MYRIP: variants seen among roughly 807,000 people sequenced by gnomAD.
The protein encoded by MYRIP is rab effector MyRIP.
A neutral mutation model predicts 98.0 loss-of-function variants in MYRIP; 49 were observed. That is an observed-to-expected ratio of 0.50 (90% CI 0.40 to 0.63). MYRIP has a LOEUF of 0.63. MYRIP is among the 30% of genes least tolerant of loss of function. The pLI, the probability that MYRIP is intolerant of heterozygous loss-of-function variation, is 0.00. For missense variants in MYRIP, 1,004 were observed against 1,058.2 expected, an observed-to-expected ratio of 0.95 and a Z score of 0.71; for synonymous variants, 404 against 409.5, an observed-to-expected ratio of 0.99 and a Z score of 0.16.
At chr3:39,849,438 G>A (rs1044077582) in intron 1 of MYRIP, among the ~76,000 whole-genome samples, 1 of 152,190 alleles carries the variant, frequency 6.6e-6, no homozygotes, top group Non-Finnish European at 1.5e-5. Context: ...TTGTGCCAGG[G>A]TAATACTGGC....
intron 2 of MYRIP, among the ~76,000 whole-genome samples, chr3:40,001,335 A>G (rs2125785686): frequency 6.6e-6 from 1 of 152,318 alleles, no homozygotes; most frequent in African/African-American, 2.4e-5. Flanking sequence ...TAAATGGCAA[A>G]GGATGTGGAA....
At chr3:40,021,428 A>T (rs7637285) in intron 2 of MYRIP, among the ~76,000 whole-genome samples, 2,647 of 152,338 alleles carry the variant, frequency 0.017, 70 homozygotes, top group African/African-American at 0.059. Flanking sequence ...AGGAGTTCAC[A>T]TACAATGCAT....
intron 3 of MYRIP, among the ~76,000 whole-genome samples, chr3:40,108,182 A>C (rs1386993232): frequency 1.0e-5 from 1 of 98,146 alleles, no homozygotes; most frequent in Non-Finnish European, 1.9e-5. Context: ...TGTGAGAGAG[A>C]GAGAGAGAGA....
At chr3:40,093,367 C>T (rs1406039888) in intron 3 of MYRIP, among the ~76,000 whole-genome samples, 1 of 152,186 alleles carries the variant, frequency 6.6e-6, no homozygotes, top group Non-Finnish European at 1.5e-5. Context: ...AATCTTCCTT[C>T]AACCCAAAAC....
At chr3:39,972,559 A>T (rs1182143452) in intron 2 of MYRIP, among the ~76,000 whole-genome samples, 1 of 152,076 alleles carries the variant, frequency 6.6e-6, no homozygotes, top group Non-Finnish European at 1.5e-5. Flanking sequence ...AATGTAGTCT[A>T]AAAAGTATCA....
intron 11 of MYRIP, among the ~76,000 whole-genome samples, chr3:40,227,271 C>T (rs1046827472): frequency 2.0e-5 from 3 of 152,048 alleles, no homozygotes; most frequent in African/African-American, 4.8e-5. Context: ...AGGGTCCCCT[C>T]GAGGCTATGA....
chr3:40,030,662 G>A (rs1244518906), intron 2 of MYRIP, among the ~76,000 whole-genome samples: 2 of 152,114 alleles, frequency 1.3e-5, no homozygotes, highest in Admixed American at 6.5e-5. Context: ...ATGAAATGTT[G>A]ATGCATGCTA....
intron 10 of MYRIP, among the ~76,000 whole-genome samples, chr3:40,201,100 C>A (rs970857770): frequency 1.3e-5 from 2 of 152,150 alleles, no homozygotes; most frequent in African/African-American, 4.8e-5. Flanking sequence ...TATCTGACTG[C>A]TCAAGGTCAT....
At chr3:40,208,462 T>A (rs2125662963) in intron 10 of MYRIP, among the ~76,000 whole-genome samples, 1 of 152,146 alleles carries the variant, frequency 6.6e-6, no homozygotes, top group East Asian at 1.9e-4. Context: ...AAGAATAGAG[T>A]AAGAGTCACA....
At chr3:40,249,532 C>T (rs1381598792) in intron 13 of MYRIP, among the ~76,000 whole-genome samples, 1 of 152,130 alleles carries the variant, frequency 6.6e-6, no homozygotes, top group Non-Finnish European at 1.5e-5. Context: ...ATAATAATGC[C>T]CTTTTCTAAG....
At chr3:40,247,554 C>G (rs1953244942) in intron 13 of MYRIP, among the ~76,000 whole-genome samples, 1 of 152,182 alleles carries the variant, frequency 6.6e-6, no homozygotes, top group Non-Finnish European at 1.5e-5. Context: ...GATAGAGTCT[C>G]ACTCTGTCGC....
At chr3:39,901,710 G>C (rs1943747498) in intron 2 of MYRIP, among the ~76,000 whole-genome samples, 1 of 152,104 alleles carries the variant, frequency 6.6e-6, no homozygotes, top group Admixed American at 6.5e-5. Context: ...GCAAAAACCT[G>C]TTTTGCTCAC....
intron 1 of MYRIP, among the ~76,000 whole-genome samples, chr3:39,822,562 G>T (rs1184152690): frequency 1.3e-5 from 2 of 152,136 alleles, no homozygotes; most frequent in Admixed American, 1.3e-4. Context: ...GAAGCCAAAA[G>T]ATTGGATACC....
At chr3:40,202,098 A>C (rs866492983) in intron 10 of MYRIP, among the ~76,000 whole-genome samples, 1 of 152,210 alleles carries the variant, frequency 6.6e-6, no homozygotes, top group Non-Finnish European at 1.5e-5. Context: ...CTACTAAAAT[A>C]AAATCTAAAA....
chr3:40,229,558 G>A (rs755564940), intron 11 of MYRIP, among the ~76,000 whole-genome samples: 1 of 152,168 alleles, frequency 6.6e-6, no homozygotes, highest in Non-Finnish European at 1.5e-5. Context: ...CAGTAGTTTC[G>A]CTACCTCATT....
intron 15 of MYRIP, among the ~76,000 whole-genome samples, chr3:40,250,926 T>C (rs9850750): frequency 0.47 from 70,985 of 152,094 alleles, 17,661 homozygotes; most frequent in Non-Finnish European, 0.57. Flanking sequence ...CTTCTAGAGG[T>C]ATTAACTCCC....
chr3:40,238,741 T>A (rs2125706143), intron 12 of MYRIP: 1 of 151,906 alleles, frequency 6.6e-6, no homozygotes, highest in African/African-American at 2.4e-5. Context: ...ACACAATAGG[T>A]CCTGAGCAAA....
rs572594100 is a variant in MYRIP, at chr3:40,246,008, C to T, written c.2262+1401C>T. Among the ~76,000 whole-genome samples the T allele has an allele frequency of 3.3e-5, 5 of 151,164 alleles. No individual in the cohort carries two copies. The East Asian group carries it at 9.8e-4, about 30-fold the overall frequency. On this transcript the variant is annotated intron_variant, in intron 13 of 16. Coordinates refer to ENST00000302541, the MANE Select transcript of MYRIP (RefSeq NM_015460.4). Reference sequence around the variant, plus strand: ...AACTCCTGACCTCAGGCGATCCACCCGCCTTGGCCTCCCAAACTGCTGGGA... The same window carrying T: ...AACTCCTGACCTCAGGCGATCCACCTGCCTTGGCCTCCCAAACTGCTGGGA...
chr3:40,194,883 T>G (rs1951345960), intron 10 of MYRIP, among the ~76,000 whole-genome samples: 1 of 152,224 alleles, frequency 6.6e-6, no homozygotes, highest in Non-Finnish European at 1.5e-5. Context: ...ACTGTTAATT[T>G]CATGTTTACA....
Sources: allele counts gnomAD v4.1 joint callset (sites outside exome capture counted in the v4.1 genomes callset), GRCh38; gene constraint gnomAD v4.1.1; transcripts MANE v1.5; gene names NCBI Gene and HGNC (gene_info 2026-07-23, HGNC 2026-07-21).